CCNY: variants seen among roughly 807,000 people sequenced by gnomAD.
CCNY encodes cyclin-Y.
A neutral mutation model predicts 42.8 loss-of-function variants in CCNY; 19 were observed. That is an observed-to-expected ratio of 0.44 (90% CI 0.31 to 0.65). CCNY has a LOEUF of 0.65. Ranked by LOEUF, CCNY falls within the 30% of genes least tolerant of loss-of-function variation. The pLI is 0.07. For synonymous variants in CCNY, 165 were observed against 162.7 expected (o/e 1.01, Z -0.11); for missense variants, 370 against 437.3 (o/e 0.85, Z 1.37).
chr10:35,384,453 G>A (rs549552271), intron 1 of CCNY, among the ~76,000 whole-genome samples: 1 of 152,294 alleles, frequency 6.6e-6, no homozygotes, highest in East Asian at 1.9e-4. Flanking sequence ...GCCGCCTGTG[G>A]AGATACTTAA....
At chr10:35,420,203 A>G (rs892841066) in intron 1 of CCNY, among the ~76,000 whole-genome samples, 1 of 152,218 alleles carries the variant, frequency 6.6e-6, no homozygotes, top group Non-Finnish European at 1.5e-5. Context: ...ATCATGGTGC[A>G]TCCTTTGTTT....
chr10:35,426,109 GCGCACA>G (rs58336149), intron 1 of CCNY, among the ~76,000 whole-genome samples: 22,176 of 111,520 alleles, frequency 0.2, 2,279 homozygotes, highest in Middle Eastern at 0.29. Context: ...GGTCCAGCAC[GCGCACA>G]CACACACACA....
chr10:35,541,405 C>A (rs956131981), intron 7 of CCNY, among the ~76,000 whole-genome samples: 1 of 152,012 alleles, frequency 6.6e-6, no homozygotes, highest in Admixed American at 6.6e-5. Context: ...TATTATTATT[C>A]TATTATTTTT....
At chr10:35,407,174 G>A (rs1050030580) in intron 1 of CCNY, among the ~76,000 whole-genome samples, 1 of 152,176 alleles carries the variant, frequency 6.6e-6, no homozygotes, top group Non-Finnish European at 1.5e-5. Flanking sequence ...AGAGGAAATT[G>A]TTGGGCAGGT....
At chr10:35,285,885 T>C (rs1039116623) in intron 3 of CCNY, among the ~76,000 whole-genome samples, 2 of 152,236 alleles carry the variant, frequency 1.3e-5, no homozygotes, top group Non-Finnish European at 2.9e-5. Context: ...CGATCTGGGC[T>C]CACTGCAACC....
At chr10:35,386,650 G>T (rs1837305075) in intron 1 of CCNY, among the ~76,000 whole-genome samples, 1 of 152,124 alleles carries the variant, frequency 6.6e-6, no homozygotes, top group Non-Finnish European at 1.5e-5. Context: ...AGCTCATCTT[G>T]CAGTGTACGG....
chr10:35,407,343 G>A (rs1837802575), intron 1 of CCNY, among the ~76,000 whole-genome samples: 1 of 152,048 alleles, frequency 6.6e-6, no homozygotes, highest in Non-Finnish European at 1.5e-5. Context: ...AGAGAGGTCA[G>A]ATGGGTCCCT....
chr10:35,267,484 G>A (rs1348660307), intron 3 of CCNY, among the ~76,000 whole-genome samples: 2 of 152,162 alleles, frequency 1.3e-5, no homozygotes, highest in Non-Finnish European at 2.9e-5. Flanking sequence ...AGAGCCCAGC[G>A]TGGAGCTGTC....
chr10:35,448,124 C>CT (rs1838832441), intron 1 of CCNY, among the ~76,000 whole-genome samples: 1 of 152,194 alleles, frequency 6.6e-6, no homozygotes, highest in Non-Finnish European at 1.5e-5. Flanking sequence ...GATCTGGTGA[C>CT]TTCTGTACAG....
At chr10:35,562,708 A>G (rs773462359) in intron 8 of CCNY, among the ~76,000 whole-genome samples, 5 of 151,784 alleles carry the variant, frequency 3.3e-5, no homozygotes, top group Non-Finnish European at 5.9e-5. Context: ...TTGTTTATCC[A>G]CTCATCCACC....
At chr10:35,560,235 T>C (rs572327720) in intron 8 of CCNY, among the ~76,000 whole-genome samples, 1 of 152,292 alleles carries the variant, frequency 6.6e-6, no homozygotes, top group East Asian at 1.9e-4. Context: ...GTGTTCTGCA[T>C]GTAAGATGGA....
chr10:35,307,814 A>ATTT (rs1392131046), intron 3 of CCNY, among the ~76,000 whole-genome samples: 1 of 63,484 alleles, frequency 1.6e-5, no homozygotes, highest in South Asian at 6.6e-4. Context: ...ATATATATAT[A>ATTT]TATATTTTTT....
chr10:35,474,685 C>G (rs1308489904), intron 1 of CCNY, among the ~76,000 whole-genome samples: 1 of 151,986 alleles, frequency 6.6e-6, no homozygotes, highest in Admixed American at 6.6e-5. Context: ...GATAAAACCA[C>G]AAAGATGGGG....
At chr10:35,282,074 A>G (rs989350624) in intron 3 of CCNY, among the ~76,000 whole-genome samples, 2 of 119,450 alleles carry the variant, frequency 1.7e-5, no homozygotes, top group African/African-American at 6.4e-5. Context: ...TTCATTACCT[A>G]CTCCTCATTC....
intron 3 of CCNY, among the ~76,000 whole-genome samples, chr10:35,272,697 T>C (rs1442408684): frequency 6.6e-6 from 1 of 152,212 alleles, no homozygotes; most frequent in Non-Finnish European, 1.5e-5. Context: ...TGATTCCATG[T>C]CTTTGGTATT....
At chr10:35,553,250 G>C (rs1257847711) in intron 8 of CCNY, 65 bp downstream of exon 8, 2 of 1,554,434 alleles carry the variant, frequency 1.3e-6, no homozygotes, top group Non-Finnish European at 1.8e-6. Context: ...AAAGAAAGCT[G>C]CCTCCTTTTT....
intron 3 of CCNY, among the ~76,000 whole-genome samples, chr10:35,295,648 T>A (rs1353954702): frequency 1.3e-5 from 2 of 152,222 alleles, no homozygotes; most frequent in Non-Finnish European, 2.9e-5. Flanking sequence ...CATAAAATAC[T>A]TGTCATTTTG....
chr10:35,247,868 T>A (rs1588996951), intron 1 of CCNY, among the ~76,000 whole-genome samples: 1 of 83,094 alleles, frequency 1.2e-5, no homozygotes, highest in Non-Finnish European at 2.1e-5. Flanking sequence ...AGAGCAAGAC[T>A]CCATCTCAAA....
chr10:35,561,286 T>C (rs1841461512), intron 8 of CCNY, among the ~76,000 whole-genome samples: 1 of 152,140 alleles, frequency 6.6e-6, no homozygotes, highest in South Asian at 2.1e-4. Flanking sequence ...GCAGGAGAAG[T>C]CTCAGATATC....
Sources: allele counts gnomAD v4.1 joint callset (sites outside exome capture counted in the v4.1 genomes callset), GRCh38; gene constraint gnomAD v4.1.1; transcripts MANE v1.5; gene names NCBI Gene and HGNC (gene_info 2026-07-23, HGNC 2026-07-21).